The following LRP1B variants were observed in gnomAD, a reference collection of about 807,000 sequenced individuals.
LRP1B encodes low-density lipoprotein receptor-related protein 1B.
In LRP1B, 217 loss-of-function variants were observed where a neutral mutation model predicts 556.6. That is an observed-to-expected ratio of 0.39 (90% CI 0.35 to 0.44). LRP1B has a LOEUF of 0.44. Among genes scored for constraint, LRP1B ranks in the 20% least tolerant of loss-of-function variants. The pLI, the probability that LRP1B is intolerant of heterozygous loss-of-function variation, is 1.00. For synonymous variants in LRP1B, 2,047 were observed against 1,865.8 expected, an observed-to-expected ratio of 1.10 and a Z score of -2.50; for missense variants, 5,053 against 5,620.8, an observed-to-expected ratio of 0.90 and a Z score of 3.23.
chr2:141,903,261 C>T (rs1278570885), intron 1 of LRP1B, among the ~76,000 whole-genome samples: 1 of 151,664 alleles, frequency 6.6e-6, no homozygotes, highest in Non-Finnish European at 1.5e-5. Context: ...TTGACTAATA[C>T]TGAATCTATA....
intron 33 of LRP1B, among the ~76,000 whole-genome samples, chr2:140,773,518 T>A: frequency 6.6e-6 from 1 of 151,926 alleles, no homozygotes. Context: ...ATAGCCTTGA[T>A]AATAGCAAAA....
intron 20 of LRP1B, among the ~76,000 whole-genome samples, chr2:140,944,869 C>A (rs1012482452): frequency 2.6e-5 from 4 of 152,126 alleles, no homozygotes; most frequent in Non-Finnish European, 5.9e-5. Context: ...GATTTCTAAT[C>A]TCACCACTTC....
In LRP1B at chr2:140,232,694, T is replaced by C. The variant is rs1680522321; in HGVS notation, c.*492A>G. On this transcript the variant is annotated 3_prime_UTR_variant, in exon 91 of 91. Coordinates refer to ENST00000389484, the MANE Select transcript of LRP1B (RefSeq NM_018557.3). ...GCTGAACTTGTGAGAGCTATATATT[T>C]TCAGCAGAGTCTGAATCGATCTTTA... 6.6e-6 allele frequency: 1 copy of C among 151,766 alleles called. No homozygotes were observed. The allele number at this position is 151,766 out of a possible 1,614,324, so 9.4% of individuals were successfully genotyped here.
At chr2:140,875,175 C>T (rs1693266902) in intron 25 of LRP1B, among the ~76,000 whole-genome samples, 1 of 152,006 alleles carries the variant, frequency 6.6e-6, no homozygotes, top group Admixed American at 6.6e-5. Context: ...TCCTCAAAGC[C>T]CAGGAACTAT....
At chr2:141,803,077 C>G (rs1177851880) in intron 2 of LRP1B, among the ~76,000 whole-genome samples, 2 of 152,018 alleles carry the variant, frequency 1.3e-5, no homozygotes, top group Non-Finnish European at 2.9e-5. Flanking sequence ...CATGTGTCCC[C>G]TTTTATTCTG....
intron 1 of LRP1B, among the ~76,000 whole-genome samples, chr2:142,020,731 A>T (rs544477950): frequency 3.6e-4 from 55 of 152,302 alleles, no homozygotes; most frequent in African/African-American, 1.3e-3. Context: ...AAATAAAAAA[A>T]AGCCTTCCCA....
chr2:141,824,570 G>T (rs375109679), intron 1 of LRP1B, among the ~76,000 whole-genome samples: 15 of 152,072 alleles, frequency 9.9e-5, no homozygotes, highest in East Asian at 7.7e-4. Context: ...TTTCACCGTG[G>T]TCTCGATCTC....
chr2:141,241,782 A>G (rs1428460423), intron 5 of LRP1B, among the ~76,000 whole-genome samples: 1 of 152,060 alleles, frequency 6.6e-6, no homozygotes, highest in Non-Finnish European at 1.5e-5. Flanking sequence ...AGTAAAGCAC[A>G]ATAAATCTGT....
intron 31 of LRP1B, among the ~76,000 whole-genome samples, chr2:140,830,581 T>C (rs2105074424): frequency 6.6e-6 from 1 of 152,118 alleles, no homozygotes; most frequent in Non-Finnish European, 1.5e-5. Context: ...CTCAGCAAAC[T>C]GGGTATAGAA....
intron 68 of LRP1B, among the ~76,000 whole-genome samples, chr2:140,374,578 T>A (rs781699175): frequency 6.6e-6 from 1 of 152,214 alleles, no homozygotes; most frequent in African/African-American, 2.4e-5. Context: ...AGATGTCATA[T>A]GTTTTATTCA....
At chr2:141,003,545 A>T (rs1697485356) in intron 15 of LRP1B, among the ~76,000 whole-genome samples, 1 of 152,014 alleles carries the variant, frequency 6.6e-6, no homozygotes, top group South Asian at 2.1e-4. Flanking sequence ...AATAAGACTC[A>T]TGAGATCTGA....
chr2:141,192,536 G>C (rs1558923320), intron 6 of LRP1B, among the ~76,000 whole-genome samples: 1 of 151,686 alleles, frequency 6.6e-6, no homozygotes, highest in Non-Finnish European at 1.5e-5. Flanking sequence ...TTGCTTTACT[G>C]TTACTGGAAC....
At chr2:140,290,731 G>A (rs1052698645) in intron 84 of LRP1B, among the ~76,000 whole-genome samples, 12 of 152,038 alleles carry the variant, frequency 7.9e-5, no homozygotes, top group Non-Finnish European at 7.4e-5. Flanking sequence ...TCCTATTAGT[G>A]CCTCTTTTCT....
chr2:142,124,547 T>TAAAGTTTTTTAAAAGAGCATTTAATC (rs1373261501), intron 1 of LRP1B, among the ~76,000 whole-genome samples: 1 of 151,812 alleles, frequency 6.6e-6, no homozygotes, highest in Non-Finnish European at 1.5e-5. Flanking sequence ...TTTTAATGTT[T>TAAAGTTTTTTAAAAGAGCATTTAATC]CACAAAATGG....
At chr2:141,851,880 C>T (rs1019101345) in intron 1 of LRP1B, among the ~76,000 whole-genome samples, 2 of 151,684 alleles carry the variant, frequency 1.3e-5, no homozygotes, top group Non-Finnish European at 3.0e-5. Context: ...TAATAATTCC[C>T]TGCTCTCAAG....
intron 52 of LRP1B, among the ~76,000 whole-genome samples, chr2:140,508,184 G>A (rs937570698): frequency 6.6e-6 from 1 of 151,996 alleles, no homozygotes; most frequent in South Asian, 2.1e-4. Flanking sequence ...GTCTTAATAA[G>A]CACTTTTCTC....
chr2:140,770,291 T>G (rs1689265620), intron 34 of LRP1B, among the ~76,000 whole-genome samples: 3 of 151,908 alleles, frequency 2.0e-5, no homozygotes, highest in South Asian at 4.1e-4. Flanking sequence ...TATAGATATA[T>G]AGATATTTCT....
chr2:141,660,481 C>T (rs905486850), intron 2 of LRP1B, among the ~76,000 whole-genome samples: 2 of 152,066 alleles, frequency 1.3e-5, no homozygotes, highest in African/African-American at 2.4e-5. Flanking sequence ...GGCAGTTCCC[C>T]CCCGCTGGTG....
intron 7 of LRP1B, among the ~76,000 whole-genome samples, chr2:141,163,247 C>T (rs943819528): frequency 6.6e-6 from 1 of 152,060 alleles, no homozygotes; most frequent in African/African-American, 2.4e-5. Context: ...ACAAAGGAAA[C>T]AGCTCATTCA....
Sources: allele counts gnomAD v4.1 joint callset (sites outside exome capture counted in the v4.1 genomes callset), GRCh38; gene constraint gnomAD v4.1.1; transcripts MANE v1.5; gene names NCBI Gene and HGNC (gene_info 2026-07-23, HGNC 2026-07-21).